CAST: variants seen among roughly 807,000 people sequenced by gnomAD.
CAST encodes MIR583 host.
A neutral mutation model predicts 119.6 loss-of-function variants in CAST; 76 were observed. The ratio of observed to expected loss-of-function variants is 0.64; its 90% CI spans 0.53 to 0.77. The LOEUF is 0.77. CAST is among the 30% of genes least tolerant of loss of function. The pLI, the probability that CAST is intolerant of heterozygous loss-of-function variation, is 0.00. For synonymous variants in CAST, 319 were observed against 331.6 expected, an observed-to-expected ratio of 0.96 and a Z score of 0.41; for missense variants, 953 against 946.5, an observed-to-expected ratio of 1.01 and a Z score of -0.09.
chr5:96,117,786 G>A, the CAST span, among the ~76,000 whole-genome samples: 1 of 152,108 alleles, frequency 6.6e-6, no homozygotes, highest in East Asian at 1.9e-4. Context: ...ATTTGAAAAG[G>A]ACAAACTATT....
At chr5:96,047,364 G>A in the CAST span, among the ~76,000 whole-genome samples, 1 of 152,186 alleles carries the variant, frequency 6.6e-6, no homozygotes, top group East Asian at 1.9e-4. Flanking sequence ...AAATTCTACT[G>A]CCCTCTGTTC....
rs1263716855 is a variant in CAST, at chr5:96,534,810, AAG to A, written c.60+4932_60+4933del. On this transcript the variant is annotated intron_variant, in intron 1 of 11. Transcript: ENST00000505143. ...GAAAGAAAGAAAGAAAGAAGAAAGA[AAG>A]AAAGAAAGAAAAGAAAGAAGGAAAG... Among the ~76,000 whole-genome samples, 15 of 145,380 alleles carry A rather than the reference AAG, an allele frequency of 1.0e-4. 1 individual carries two copies. Among genetic ancestry groups the A allele is most frequent in the East Asian group, 3.9e-4 (2 of 5,132 alleles).
the CAST span, among the ~76,000 whole-genome samples, chr5:96,259,898 T>TAA: frequency 4.1e-3 from 615 of 151,578 alleles, 5 homozygotes; most frequent in African/African-American, 0.014. Flanking sequence ...TTTTTTTTTT[T>TAA]AAATTATGTT....
At chr5:96,191,626 C>T in the CAST span, among the ~76,000 whole-genome samples, 16 of 152,270 alleles carry the variant, frequency 1.1e-4, no homozygotes, top group Admixed American at 5.2e-4. Flanking sequence ...GATGGAGTCT[C>T]GCTCTGTCAC....
chr5:96,505,712 C>A, the CAST span, among the ~76,000 whole-genome samples: 9 of 152,176 alleles, frequency 5.9e-5, no homozygotes, highest in African/African-American at 2.2e-4. Context: ...TAAAAGGACC[C>A]AGTTGAGGCT....
At chr5:96,020,524 A>G in the CAST span, among the ~76,000 whole-genome samples, 3 of 152,086 alleles carry the variant, frequency 2.0e-5, no homozygotes, top group East Asian at 5.8e-4. Flanking sequence ...CCTGAGTTCC[A>G]CCTCTTGTCA....
chr5:96,389,787 T>C, the CAST span, among the ~76,000 whole-genome samples: 1 of 151,970 alleles, frequency 6.6e-6, no homozygotes, highest in African/African-American at 2.4e-5. Context: ...ACACAAAAAT[T>C]AGCTGGGTGT....
At chr5:95,996,182 G>T in the CAST span, among the ~76,000 whole-genome samples, 2 of 152,166 alleles carry the variant, frequency 1.3e-5, no homozygotes, top group East Asian at 1.9e-4. Flanking sequence ...GATATAGGAA[G>T]ATCAAGGCTG....
At chr5:96,444,723 T>G in the CAST span, among the ~76,000 whole-genome samples, 1 of 151,974 alleles carries the variant, frequency 6.6e-6, no homozygotes, top group Non-Finnish European at 1.5e-5. Flanking sequence ...TGCTAGGGGG[T>G]TTTATTTGTT....
the CAST span, among the ~76,000 whole-genome samples, chr5:96,509,900 A>C: frequency 6.6e-6 from 1 of 152,216 alleles, no homozygotes; most frequent in Admixed American, 6.5e-5. Flanking sequence ...CTAACAATGA[A>C]CTTTGGTCCT....
the CAST span, among the ~76,000 whole-genome samples, chr5:96,308,558 C>G: frequency 6.6e-6 from 1 of 152,034 alleles, no homozygotes; most frequent in Non-Finnish European, 1.5e-5. Context: ...AATTTTCAGC[C>G]TTTTTGCGCT....
chr5:96,469,876 T>TAAA, the CAST span, among the ~76,000 whole-genome samples: 22 of 100,102 alleles, frequency 2.2e-4, no homozygotes, highest in African/African-American at 1.1e-3. Flanking sequence ...TATATATATA[T>TAAA]ATAATATATA....
chr5:96,565,077 G>GGGGTGTGTGTGTGTGT (rs1554068075), intron 1 of CAST, among the ~76,000 whole-genome samples: 6 of 148,642 alleles, frequency 4.0e-5, no homozygotes, highest in African/African-American at 1.5e-4. Flanking sequence ...ACATGGGAAA[G>GGGGTGTGTGTGTGTGT]GTGTGTGTGT....
chr5:96,536,868 T>C (rs975658269), intron 1 of CAST, among the ~76,000 whole-genome samples: 7 of 152,122 alleles, frequency 4.6e-5, no homozygotes, highest in African/African-American at 1.4e-4. Context: ...CAAGTAAGAA[T>C]ATAACGTGTG....
the CAST span, among the ~76,000 whole-genome samples, chr5:96,309,949 A>C: frequency 3.9e-5 from 6 of 152,216 alleles, no homozygotes; most frequent in African/African-American, 1.2e-4. Flanking sequence ...TTGGTCTGCA[A>C]GGACTTCCAA....
the CAST span, among the ~76,000 whole-genome samples, chr5:95,969,513 G>T: frequency 6.6e-6 from 1 of 152,060 alleles, no homozygotes; most frequent in African/African-American, 2.4e-5. Context: ...TACAAGTGGA[G>T]GGGGAGTGAT....
At chr5:96,413,800 CA>C in the CAST span, among the ~76,000 whole-genome samples, 26,987 of 105,340 alleles carry the variant, frequency 0.26, 3,382 homozygotes, top group African/African-American at 0.34. Flanking sequence ...GACTCTGTCT[CA>C]AAAAAAAAAA....
At chr5:96,263,628 C>G in the CAST span, among the ~76,000 whole-genome samples, 5 of 145,408 alleles carry the variant, frequency 3.4e-5, no homozygotes, top group Non-Finnish European at 7.4e-5. Context: ...GAGAGAGAGA[C>G]TTGGTTGACC....
At chr5:96,373,658 G>A in the CAST span, among the ~76,000 whole-genome samples, 3 of 152,256 alleles carry the variant, frequency 2.0e-5, no homozygotes, top group Middle Eastern at 3.4e-3. Flanking sequence ...CAATAGAATC[G>A]TAATGCTTAA....
Sources: gnomAD v4.1 joint callset for allele counts (sites outside exome capture counted in the v4.1 genomes callset) on GRCh38, gnomAD v4.1.1 for gene constraint, MANE v1.5 for transcripts, NCBI Gene and HGNC (gene_info 2026-07-23, HGNC 2026-07-21) for gene names.